Variants in MYH2 observed in about 807,000 individuals in gnomAD.
MYH2 encodes myosin heavy chain 2, also known as myosin-2.
Under a neutral mutation model 228.1 loss-of-function variants are expected in MYH2, and 139 were observed. The observed-to-expected ratio is 0.61, with a 90% CI of 0.53 to 0.70. The LOEUF is 0.70. Among genes scored for constraint, MYH2 ranks in the 30% least tolerant of loss-of-function variants. The pLI, the probability that MYH2 is intolerant of heterozygous loss-of-function variation, is 0.00. For synonymous variants in MYH2, 796 were observed against 871.1 expected (o/e 0.91, Z 1.52); for missense variants, 1,809 against 2,357.5 (o/e 0.77, Z 4.82).
chr17:10,544,997 GTGAT>G (rs1418394858), intron 5 of MYH2, among the ~76,000 whole-genome samples: 14 of 145,068 alleles, frequency 9.7e-5, no homozygotes, highest in African/African-American at 3.2e-4. Flanking sequence ...GTTTGTATGT[GTGAT>G]TGTGCGTGCA....
chr17:10,545,265 T>C (rs1386080842), intron 5 of MYH2, 81 bp downstream of exon 5: 5 of 1,606,650 alleles, frequency 3.1e-6, no homozygotes, highest in Non-Finnish European at 3.4e-6. Flanking sequence ...TCAAGGAATG[T>C]GTTGAGATTG....
At chr17:10,527,623 T>G in intron 28 of MYH2, 125 bp downstream of exon 28, 2 of 1,472,838 alleles carry the variant, frequency 1.4e-6, no homozygotes, top group Non-Finnish European at 1.9e-6. Flanking sequence ...GTCAGGTGTC[T>G]GAGCTGTTCA....
At chr17:10,523,032 A>T (rs2073302935) in intron 39 of MYH2, 58 bp downstream of exon 39, 1 of 1,230,510 alleles carries the variant, frequency 8.1e-7, no homozygotes, top group African/African-American at 1.5e-5. Context: ...TGTTCACTAC[A>T]AGAAGTAGTA....
At chr17:10,540,359 C>A (rs1347663180) in intron 11 of MYH2, among the ~76,000 whole-genome samples, 41 of 149,152 alleles carry the variant, frequency 2.7e-4, no homozygotes, top group East Asian at 4.0e-4. Context: ...AAGTCAATTG[C>A]AAAAAAAAAA....
Position 10,532,843 on chromosome 17 carries a change from T to C in MYH2, c.2441+442A>G, listed in dbSNP as rs549021572. ...CTGCAAAAAGTCTTTCACAGATAAA[T>C]GGCCCCTAATATTTTAAATCATGAG... On this transcript the variant is annotated intron_variant, in intron 21 of 39. Coordinates refer to ENST00000245503, the MANE Select transcript of MYH2 (RefSeq NM_017534.6). 3.3e-5 allele frequency among the ~76,000 whole-genome samples: 5 copies of C among 152,306 alleles called. No individual in the cohort carries two copies. The South Asian group carries it at 8.3e-4, about 25-fold the overall frequency.
At chr17:10,530,213 A>T in intron 22 of MYH2, 139 bp from the exon 23 acceptor site, 2 of 1,412,662 alleles carry the variant, frequency 1.4e-6, no homozygotes, top group Non-Finnish European at 2.0e-6. Context: ...TGTTTCATGA[A>T]CCACCCTACT....
At position 10,525,711 on chromosome 17, in the gene MYH2, CT is replaced by C. The variant is rs757195322; in HGVS notation, c.4352del (p.Lys1451SerfsTer40). On this transcript the variant is annotated frameshift_variant, in exon 31 of 40. Transcript: ENST00000245503. LOFTEE classifies it high-confidence loss of function. This position sits in a 1 kb window ranked among gnomAD's most constrained non-coding sequence, Gnocchi z 4.2. Reference protein sequence around the residue: ...TNAACAALDKKQRNFDKILAE... With the variant: ...TNAACAALDKXQRNFDKILAE... ...GAATTACCTTATCGAAGTTCCTTTGCTTTTTGTCAAGGGCGGCACAGGCGGC... is the reference window on the plus strand; with the variant it reads ...GAATTACCTTATCGAAGTTCCTTTGCTTTTGTCAAGGGCGGCACAGGCGGC... The C allele has an allele frequency of 1.1e-5, 17 of 1,614,044 alleles. No individual in the cohort carries two copies. In the South Asian group the frequency reaches 1.8e-4, roughly 17 times the overall value.
chr17:10,522,157 T>C (rs905767878), intron 39 of MYH2, among the ~76,000 whole-genome samples: 3 of 152,220 alleles, frequency 2.0e-5, no homozygotes, highest in African/African-American at 7.2e-5. Flanking sequence ...TTTCCCATGC[T>C]CTTGAACAGC....
At chr17:10,527,329 C>A (rs943677819) in intron 28 of MYH2, among the ~76,000 whole-genome samples, 1 of 152,178 alleles carries the variant, frequency 6.6e-6, no homozygotes, top group Non-Finnish European at 1.5e-5. Context: ...CTGGTGAGGA[C>A]TGTCAAATGA....
At chr17:10,526,439 T>C (rs936827248) in intron 30 of MYH2, among the ~76,000 whole-genome samples, 160 bp downstream of exon 30, 56 of 152,216 alleles carry the variant, frequency 3.7e-4, no homozygotes, top group African/African-American at 1.2e-3. Context: ...GGGACCATAT[T>C]TGATTTATTC....
chr17:10,541,340 TGGCTGCTCTGGG>T (rs2073551731), intron 10 of MYH2, among the ~76,000 whole-genome samples: 1 of 152,158 alleles, frequency 6.6e-6, no homozygotes, highest in African/African-American at 2.4e-5. Context: ...GTCTCTAAAA[TGGCTGCTCTGGG>T]AATGTTGTCT....
At chr17:10,544,942 C>G (rs1274893217) in intron 5 of MYH2, among the ~76,000 whole-genome samples, 1 of 152,010 alleles carries the variant, frequency 6.6e-6, no homozygotes, top group East Asian at 1.9e-4. Flanking sequence ...ACTACAGAGA[C>G]AAGTTTTACT....
intron 14 of MYH2, 83 bp downstream of exon 14, chr17:10,539,122 G>A (rs1357472819): frequency 4.4e-6 from 7 of 1,609,102 alleles, no homozygotes; most frequent in Non-Finnish European, 5.9e-6. Context: ...GTAAGAAAAG[G>A]TCATAGTCTT....
chr17:10,545,382 A>G lies in MYH2; in HGVS notation c.469T>C (p.Ser157Pro). ...KRQEAPPHIF[S>P]ISDNAYQFML... ...AACTGATAGGCGTTGTCAGAGATGG[A>G]GAAGATGTGGGGCGGGGCCTCCTGG... is the stretch of plus-strand genomic sequence containing the variant. Residue 157 changes from serine (S) to proline (P), a missense_variant, in exon 5 of 40, where the codon TCC becomes CCC. By Grantham distance (74) the Ser-to-Pro change is moderately conservative. Around this residue, in one of 9 missense-constraint regions of MYH2, gnomAD observed 373 missense variants for 620.4 expected, o/e 0.60. Coordinates refer to ENST00000245503, the MANE Select transcript of MYH2 (RefSeq NM_017534.6). 6.2e-7 allele frequency: 1 copy of G among 1,613,940 alleles called. No individual in the cohort carries two copies.
intron 10 of MYH2, among the ~76,000 whole-genome samples, chr17:10,540,949 T>C (rs983312266): frequency 2.0e-5 from 3 of 152,212 alleles, no homozygotes; most frequent in South Asian, 4.1e-4. Flanking sequence ...ATTGTGACGA[T>C]TTCATGGACA....
At chr17:10,528,191 G>A (rs536119975) in intron 27 of MYH2, among the ~76,000 whole-genome samples, 121 of 151,754 alleles carry the variant, frequency 8.0e-4, no homozygotes, top group Non-Finnish European at 1.0e-3. Flanking sequence ...CTGCAGGCGC[G>A]CGCCACCACA....
In MYH2 at chr17:10,530,049, T is replaced by C; in HGVS notation, c.2723A>G (p.Glu908Gly). ...QAEAEGLADA[E>G]ERCDQLIKTK... Reference sequence around the variant, plus strand: ...TTTGATTAGCTGGTCACACCTTTCCTCTGCATCAGCCAAGCCTTCGGCTTC... The same window carrying C: ...TTTGATTAGCTGGTCACACCTTTCCCCTGCATCAGCCAAGCCTTCGGCTTC... The change falls in exon 23 of 40, where the codon GAG (glutamate) becomes GGG (glycine). Residue 908 changes from glutamate (E) to glycine (G), a missense_variant. Coordinates refer to ENST00000245503, the MANE Select transcript of MYH2 (RefSeq NM_017534.6). 1 of 1,614,260 alleles carries C rather than the reference T, an allele frequency of 6.2e-7. No homozygotes were observed. Among genetic ancestry groups the C allele is most frequent in the East Asian group, 2.2e-5 (1 of 44,888 alleles).
At position 10,537,184 on chromosome 17, in the gene MYH2, C is replaced by CA. The variant is rs1226442623; in HGVS notation, c.1897+48dup. The stretch of plus-strand genomic sequence containing the variant: ...TAAGAGATCACTAGCTTCAATTTAA[C>CA]ATCACATTTTGTAATACCTAGAGAG... On this transcript the variant is annotated intron_variant, in intron 16 of 39. Coordinates refer to ENST00000245503, the MANE Select transcript of MYH2 (RefSeq NM_017534.6). This position sits in a 1 kb window ranked among gnomAD's most constrained non-coding sequence, Gnocchi z 4.0. 1 of 1,610,760 alleles carries CA rather than the reference C, an allele frequency of 6.2e-7. No homozygotes were observed. The highest frequency in any genetic ancestry group is 1.3e-5 in the African/African-American group (1 of 74,884).
intron 19 of MYH2, 124 bp downstream of exon 19, chr17:10,534,949 A>AT: frequency 1.6e-6 from 2 of 1,243,380 alleles, no homozygotes; most frequent in South Asian, 1.2e-5. Flanking sequence ...GAGACTTGTA[A>AT]TTTTTTTACT....
Sources: gnomAD v4.1 joint callset for allele counts (sites outside exome capture counted in the v4.1 genomes callset) on GRCh38, gnomAD v4.1.1 for gene constraint, gnomAD v4.1.1 regional missense constraint, Gnocchi (gnomAD v3.1) non-coding constraint, MANE v1.5 for transcripts, NCBI Gene and HGNC (gene_info 2026-07-23, HGNC 2026-07-21) for gene names.